USP6: variants seen among roughly 807,000 people sequenced by gnomAD.
USP6 encodes ubiquitin carboxyl-terminal hydrolase 6.
USP6 carries 128 observed loss-of-function variants against 175.7 expected under a neutral mutation model. The ratio of observed to expected loss-of-function variants is 0.73; its 90% CI spans 0.63 to 0.84. USP6 has a LOEUF of 0.84. USP6 is among the 40% of genes least tolerant of loss of function. The pLI is 0.00. For synonymous variants in USP6, 562 were observed against 630.6 expected (o/e 0.89, Z 1.63); for missense variants, 1,498 against 1,760.3 (o/e 0.85, Z 2.67).
At position 5,147,024 on chromosome 17, in the gene USP6, G is replaced by T. The variant is rs1392567559; in HGVS notation, c.2320-59G>T. ...ATTCTTTTGAAATACATTAGAGAGA[G>T]AACTTTTCCTTTTTATCTGAAACAT... is the stretch of plus-strand genomic sequence containing the variant. On this transcript the variant is annotated intron_variant, in intron 28 of 37. Coordinates refer to ENST00000574788, the MANE Select transcript of USP6 (RefSeq NM_001304284.2). The T allele has an allele frequency of 2.0e-6, 3 of 1,499,338 alleles. No homozygotes were observed. In the East Asian group the frequency reaches 6.9e-5, roughly 35 times the overall value. 92.9% of individuals were successfully genotyped at this position (1,499,338 alleles called of 1,614,324 possible). A position where few individuals can be genotyped will look rare whatever the true frequency, so the allele number is the denominator to read the frequency against.
Position 5,172,786 on chromosome 17 carries a change from GT to G in USP6, c.4048-14del, listed in dbSNP as rs1454083650. 2 of 1,611,874 alleles carry G rather than the reference GT, an allele frequency of 1.2e-6. No homozygotes were observed. The highest frequency in any genetic ancestry group is 3.3e-5 in the Admixed American group (2 of 59,904). On this transcript the variant is annotated intron_variant, in intron 37 of 37. Coordinates refer to ENST00000574788, the MANE Select transcript of USP6 (RefSeq NM_001304284.2). ...TAATAGTGATGGCTTTTTGTTAAAG[GT>G]TTTTCTTGCCCTTTCAGGAACTTCA...
At position 5,139,488 on chromosome 17, in the gene USP6, G is replaced by T; in HGVS notation, c.1312G>T (p.Ala438Ser). ...TCAGGGTGTGCCCAGCCTGGCCCTGGCTCAGGGAGGACCTCAGGGTTCCTG... is the reference window on the plus strand; with the variant it reads ...TCAGGGTGTGCCCAGCCTGGCCCTGTCTCAGGGAGGACCTCAGGGTTCCTG... ...GTQGVPSLALAQGGPQGSWRF... is the reference protein window; with the variant it reads ...GTQGVPSLALSQGGPQGSWRF... Residue 438 changes from alanine (A) to serine (S), a missense_variant, in exon 22 of 38, where the codon GCT becomes TCT. Around this residue, in one of 2 missense-constraint regions of USP6, gnomAD observed 1,217 missense variants for 1,500.8 expected, o/e 0.81. Coordinates refer to ENST00000574788, the MANE Select transcript of USP6 (RefSeq NM_001304284.2). 1 of 1,613,508 alleles carries T rather than the reference G, an allele frequency of 6.2e-7. No individual in the cohort carries two copies. Among genetic ancestry groups the T allele is most frequent in the Non-Finnish European group, 8.5e-7 (1 of 1,180,030 alleles).
chr17:5,139,065 G>A (rs752664001), intron 21 of USP6, 190 bp from the exon 22 acceptor site: 38 of 1,590,286 alleles, frequency 2.4e-5, no homozygotes, highest in East Asian at 4.5e-5. Context: ...ATGCCCCAAC[G>A]GCTTCCCCAT....
rs2073469605 is a variant in USP6, at chr17:5,142,237, A to AT, written c.1712+100dup. ...TCTTTTTTCACCCTGCGGGAGAAAG[A>AT]TTTTATCTTATTTGCCCTATTTAAT... On this transcript the variant is annotated intron_variant, in intron 24 of 37. Transcript: ENST00000574788. The AT allele has an allele frequency of 3.9e-6, 6 of 1,541,970 alleles. No individual in the cohort carries two copies. In the South Asian group the frequency reaches 7.7e-5, roughly 20 times the overall value.
rs1336949443 is a variant in USP6 at position 5,135,867 on chromosome 17, T to C, written c.603T>C (p.Pro201=). The C allele has an allele frequency of 6.3e-7, 1 of 1,599,566 alleles. No individual in the cohort carries two copies. The highest frequency in any genetic ancestry group is 1.7e-5 in the Admixed American group (1 of 60,014). The part of the protein sequence containing the change: ...HITALFLLYL[P]EEDAFWALVQ... Reference sequence around the variant, plus strand: ...CCGCCTTGTTCCTCCTTTATCTGCCTGAGGAGGACGCATTCTGGGCACTGG... The same window carrying C: ...CCGCCTTGTTCCTCCTTTATCTGCCCGAGGAGGACGCATTCTGGGCACTGG... The change falls in exon 17 of 38, where the codon CCT becomes CCC. Residue 201 remains proline (P), a synonymous_variant. Coordinates refer to ENST00000574788, the MANE Select transcript of USP6 (RefSeq NM_001304284.2).
At position 5,142,071 on chromosome 17, in the gene USP6, C is replaced by T. The variant is rs756857348; in HGVS notation, c.1642C>T (p.Gln548Ter). Residue 548 changes from glutamine (Q) to a stop codon, truncating the protein, a stop_gained, in exon 24 of 38, where the codon CAG (glutamine) becomes TAG (stop). Coordinates refer to ENST00000574788, the MANE Select transcript of USP6 (RefSeq NM_001304284.2). LOFTEE classifies it high-confidence loss of function. Reference sequence around the variant, plus strand: ...CACATGCTTCATGAACTCAAGCATCCAGTGCGTTAGTAACACACAGCCACT... The same window carrying T: ...CACATGCTTCATGAACTCAAGCATCTAGTGCGTTAGTAACACACAGCCACT... The part of the protein sequence containing the change: ...GNTCFMNSSI[Q>*]CVSNTQPLTQ... 3.7e-6 allele frequency: 6 copies of T among 1,613,806 alleles called. No individual in the cohort carries two copies. The African/African-American group carries it at 8.0e-5, about 22-fold the overall frequency.
chr17:5,134,921 G>A (rs1433369332), intron 15 of USP6: 2 of 366,808 alleles, frequency 5.5e-6, no homozygotes, highest in East Asian at 6.7e-5. Flanking sequence ...AGCGGTGGCC[G>A]GGAGACTGCA....
intron 31 of USP6, among the ~76,000 whole-genome samples, chr17:5,156,816 C>T (rs1413456724): frequency 5.3e-5 from 8 of 151,436 alleles, no homozygotes; most frequent in East Asian, 3.9e-4. Flanking sequence ...CTGCAAACTC[C>T]GCCTCCAGGT....
At chr17:5,142,778 T>C (rs2073486292) in intron 25 of USP6, among the ~76,000 whole-genome samples, 1 of 152,236 alleles carries the variant, frequency 6.6e-6, no homozygotes, top group African/African-American at 2.4e-5. Flanking sequence ...AGAGTAAACC[T>C]TTTTTGGTAA....
chr17:5,159,028 G>A (rs2073952949), intron 31 of USP6, among the ~76,000 whole-genome samples: 1 of 152,138 alleles, frequency 6.6e-6, no homozygotes, highest in Admixed American at 6.5e-5. Flanking sequence ...TCATTGCATA[G>A]TTCTCAACTT....
chr17:5,164,853 T>C (rs1267582187), intron 33 of USP6, among the ~76,000 whole-genome samples: 2 of 152,226 alleles, frequency 1.3e-5, no homozygotes, highest in African/African-American at 4.8e-5. Context: ...CTTTTAGGAA[T>C]TTATCTGAGG....
In USP6 at chr17:5,138,269, C is replaced by A; in HGVS notation, c.1074C>A (p.Pro358=). The A allele has an allele frequency of 6.2e-7, 1 of 1,613,362 alleles. No individual in the cohort carries two copies. Among genetic ancestry groups the A allele is most frequent in the Non-Finnish European group, 8.5e-7 (1 of 1,179,876 alleles). The change falls in exon 21 of 38, where the codon CCC becomes CCA. Residue 358 remains proline (P), a synonymous_variant. Coordinates refer to ENST00000574788, the MANE Select transcript of USP6 (RefSeq NM_001304284.2). The part of the protein sequence containing the change: ...KLTRKQGDLP[P]PAKREQGSLA... ...CAAGGAAGCAAGGGGACCTGCCACC[C>A]CCAGGTGGGCTCCAGTGCCATGTCC...
In USP6 at chr17:5,132,956, T is replaced by C; in HGVS notation, c.242T>C (p.Leu81Pro). 1 of 1,614,122 alleles carries C rather than the reference T, an allele frequency of 6.2e-7. No individual in the cohort carries two copies. Among genetic ancestry groups the C allele is most frequent in the Non-Finnish European group, 8.5e-7 (1 of 1,179,996 alleles). ...MTRTSKWMEM[L>P]GEWETYKHSS... ...CGAACGAGCAAGTGGATGGAAATGC[T>C]GGGAGAATGGGAGACATATAAGCAC... is the stretch of plus-strand genomic sequence containing the variant. Residue 81 changes from leucine (L) to proline (P), a missense_variant, in exon 13 of 38, where the codon CTG becomes CCG. Transcript: ENST00000574788. This position sits in a 1 kb window ranked among gnomAD's most constrained non-coding sequence, Gnocchi z 4.7.
rs1436601659 is a variant in USP6 at position 5,137,759 on chromosome 17, A to G, written c.925+9A>G. The G allele has an allele frequency of 9.3e-6, 15 of 1,607,130 alleles. No individual in the cohort carries two copies. The highest frequency in any genetic ancestry group is 2.2e-5 in the East Asian group (1 of 44,518). ...TCTTAAGGTTCAGCAGAGTAAGTCT[A>G]CGTGTGCCCAGTGGGGCCTGGGGAG... is the stretch of plus-strand genomic sequence containing the variant. On this transcript the variant is annotated intron_variant, in intron 20 of 37. Coordinates refer to ENST00000574788, the MANE Select transcript of USP6 (RefSeq NM_001304284.2).
At chr17:5,144,951 C>T (rs1240927034) in intron 26 of USP6, 88 bp downstream of exon 26, 1 of 1,462,460 alleles carries the variant, frequency 6.8e-7, no homozygotes, top group Non-Finnish European at 9.1e-7. Context: ...GCAAACTAAA[C>T]TATTCTGAGA....
chr17:5,164,665 C>G (rs1188968394), intron 33 of USP6, among the ~76,000 whole-genome samples: 1 of 152,216 alleles, frequency 6.6e-6, no homozygotes, highest in Non-Finnish European at 1.5e-5. Context: ...CTTAGGATAC[C>G]ATGGAAACGA....
At chr17:5,150,617 C>A (rs1375331220) in intron 30 of USP6, among the ~76,000 whole-genome samples, 1 of 151,740 alleles carries the variant, frequency 6.6e-6, no homozygotes, top group Non-Finnish European at 1.5e-5. Context: ...GCCTCAGCCT[C>A]CCGAGTAGCT....
intron 6 of USP6, among the ~76,000 whole-genome samples, chr17:5,127,170 C>G (rs1441788490): frequency 6.6e-6 from 1 of 151,068 alleles, no homozygotes; most frequent in Non-Finnish European, 1.5e-5. Context: ...CCTAGGCTGT[C>G]CAGATCCAGG....
chr17:5,146,196 A>C, intron 28 of USP6, 22 bp downstream of exon 28: 1 of 1,584,006 alleles, frequency 6.3e-7, no homozygotes, highest in African/African-American at 1.3e-5. Context: ...TACTCTAAGA[A>C]ACTTTTGATT....
Sources: allele counts gnomAD v4.1 joint callset (sites outside exome capture counted in the v4.1 genomes callset), GRCh38; gene constraint gnomAD v4.1.1; regional missense constraint gnomAD v4.1.1; non-coding constraint Gnocchi (gnomAD v3.1); transcripts MANE v1.5; gene names NCBI Gene and HGNC (gene_info 2026-07-23, HGNC 2026-07-21).